GLIS3: variants seen among roughly 807,000 people sequenced by gnomAD.
GLIS3 encodes zinc finger protein GLIS3.
A neutral mutation model predicts 78.6 loss-of-function variants in GLIS3; 53 were observed. That is an observed-to-expected ratio of 0.67 (90% CI 0.54 to 0.85). The LOEUF (loss-of-function observed/expected upper bound fraction) is 0.85. GLIS3 is among the 40% of genes least tolerant of loss of function. The pLI is 0.00. For missense variants in GLIS3, 1,703 were observed against 1,231.1 expected (o/e 1.38, Z -5.74); for synonymous variants, 684 against 509.9 (o/e 1.34, Z -4.60).
At chr9:4,405,147 G>A in the GLIS3 span, among the ~76,000 whole-genome samples, 5 of 152,068 alleles carry the variant, frequency 3.3e-5, no homozygotes, top group Admixed American at 1.3e-4. Context: ...CTGAGGTTGG[G>A]AGTTCGAGAT....
intron 4 of GLIS3, among the ~76,000 whole-genome samples, chr9:4,109,297 G>C (rs1372119699): frequency 6.6e-6 from 1 of 152,206 alleles, no homozygotes; most frequent in Non-Finnish European, 1.5e-5. Flanking sequence ...CTAATGGAAA[G>C]CTACTCATAC....
intron 2 of GLIS3, chr9:4,285,702 G>C (rs1303894662): frequency 1.2e-5 from 4 of 322,498 alleles, no homozygotes; most frequent in Non-Finnish European, 2.4e-5. Context: ...ACAGGGCAGC[G>C]CTACCTGTAT....
chr9:3,986,045 G>A (rs1563920949), intron 4 of GLIS3, among the ~76,000 whole-genome samples: 1 of 152,196 alleles, frequency 6.6e-6, no homozygotes, highest in South Asian at 2.1e-4. Flanking sequence ...GGACTTTCCT[G>A]AAGAAAAAGG....
At chr9:4,393,366 T>A in the GLIS3 span, among the ~76,000 whole-genome samples, 73 of 152,240 alleles carry the variant, frequency 4.8e-4, no homozygotes, top group African/African-American at 1.3e-3. Flanking sequence ...TTACTTTTTT[T>A]AAAAAAATGA....
intron 4 of GLIS3, among the ~76,000 whole-genome samples, chr9:3,943,987 T>C (rs1244529213): frequency 6.6e-6 from 1 of 152,238 alleles, no homozygotes; most frequent in Non-Finnish European, 1.5e-5. Flanking sequence ...TACAACTTCC[T>C]GGCTTGTTGC....
the GLIS3 span, among the ~76,000 whole-genome samples, chr9:4,481,515 A>AGTGTGTGT: frequency 0.025 from 3,719 of 147,556 alleles, 85 homozygotes; most frequent in African/African-American, 0.062. Context: ...TAAAAACATA[A>AGTGTGTGT]GTGTGTGTGT....
the GLIS3 span, among the ~76,000 whole-genome samples, chr9:4,477,445 CTCTT>C: frequency 4.0e-3 from 608 of 151,966 alleles, 2 homozygotes; most frequent in Non-Finnish European, 6.5e-3. Flanking sequence ...ATAGGGGTCT[CTCTT>C]TGTCACCCAG....
Position 4,118,255 on chromosome 9 carries a change from A to G in GLIS3, c.1223T>C (p.Val408Ala). 6.3e-7 allele frequency: 1 copy of G among 1,590,272 alleles called. No homozygotes were observed. The highest frequency in any genetic ancestry group is 8.6e-7 in the Non-Finnish European group (1 of 1,168,862). The change falls in exon 4 of 11, where the codon GTC becomes GCC. Residue 408 changes from valine to alanine, a missense_variant. Physicochemically the swap from Val to Ala is moderately conservative, Grantham distance 64. Coordinates refer to ENST00000381971, the MANE Select transcript of GLIS3 (RefSeq NM_001042413.2). The surrounding 1 kb of genome is among the most constrained non-coding windows in gnomAD (Gnocchi z 4.7). ...GCCATGCTGCACCACCATGTGGTTG[A>G]CCAGGCCTGGCTGCAGGCCGCCGTG... ...LEHGGLQPGL[V>A]NHMVVQHGLP... is the part of the protein sequence containing the mutation.
chr9:4,370,162 C>T, the GLIS3 span, among the ~76,000 whole-genome samples: 13 of 123,972 alleles, frequency 1.0e-4, no homozygotes, highest in Middle Eastern at 5.0e-3. Flanking sequence ...CCAGCCTAGG[C>T]GACAGAGCAA....
Position 4,320,024 on chromosome 9 carries a change from T to TGC in GLIS3, n.265-9498_265-9497dup, listed in dbSNP as rs1415418295. Among the ~76,000 whole-genome samples the TGC allele has an allele frequency of 6.9e-3, 382 of 55,364 alleles. 3 individuals carry two copies. The highest frequency in any genetic ancestry group is 0.013 in the African/African-American group (335 of 25,516). 36.3% of individuals were successfully genotyped at this position (55,364 alleles called of 152,430 possible). A position where few individuals can be genotyped will look rare whatever the true frequency, so the allele number is the denominator to read the frequency against. On this transcript the variant is annotated intron_variant and non_coding_transcript_variant, in intron 2 of 4. Transcript: ENST00000471664. ...GTGTGTGTGTGTGTGTGTGTGTGTGTGCGCGCGCACAAGAGTCAAATTAGT... is the reference window on the plus strand; with the variant it reads ...GTGTGTGTGTGTGTGTGTGTGTGTGTGCGCGCGCGCACAAGAGTCAAATTAGT...
the GLIS3 span, among the ~76,000 whole-genome samples, chr9:4,469,436 C>T: frequency 7.4e-4 from 113 of 152,186 alleles, no homozygotes; most frequent in Admixed American, 7.3e-3. Context: ...AACAAACTGT[C>T]TCTCAGACCA....
intron 2 of GLIS3, among the ~76,000 whole-genome samples, chr9:4,198,835 G>A (rs4740756): frequency 0.26 from 39,197 of 152,040 alleles, 6,104 homozygotes; most frequent in South Asian, 0.47. Flanking sequence ...CACATACAAT[G>A]GGAGCCCCAT....
the GLIS3 span, among the ~76,000 whole-genome samples, chr9:4,394,144 T>G: frequency 6.6e-6 from 1 of 150,680 alleles, no homozygotes; most frequent in Non-Finnish European, 1.5e-5. Context: ...TTTGACCCCC[T>G]TGATTGCTAA....
At position 4,338,389 on chromosome 9, in the gene GLIS3, TACACACACACAC is replaced by T. The variant is rs202090144; in HGVS notation, n.264+8680_264+8691del. Among the ~76,000 whole-genome samples the T allele has an allele frequency of 1.2e-4, 18 of 147,466 alleles. No homozygotes were observed. In the East Asian group the frequency reaches 3.4e-3, roughly 28 times the overall value. On this transcript the variant is annotated intron_variant and non_coding_transcript_variant, in intron 2 of 4. Coordinates refer to the GLIS3 transcript ENST00000471664. Reference sequence around the variant, plus strand: ...GTGTACACACACACACACACACACATACACACACACACACACACACAATTTTTTAAACAAGCT... The same window carrying T: ...GTGTACACACACACACACACACACATACACACACAATTTTTTAAACAAGCT...
chr9:4,068,315 TTACA>T (rs1246256555), intron 4 of GLIS3, among the ~76,000 whole-genome samples: 4 of 141,976 alleles, frequency 2.8e-5, no homozygotes, highest in African/African-American at 9.7e-5. Context: ...ATTTCTTATC[TTACA>T]GAGAATCAGT....
chr9:4,338,187 C>G (rs1008139608), intron 2 of GLIS3, among the ~76,000 whole-genome samples: 4 of 152,104 alleles, frequency 2.6e-5, no homozygotes, highest in African/African-American at 7.2e-5. Context: ...CAAGGCATAT[C>G]CCATTGAGAT....
At position 4,125,851 on chromosome 9, in the gene GLIS3, C is replaced by T. The variant is rs561166420; in HGVS notation, c.479G>A (p.Arg160Gln). The change falls in exon 3 of 11, where the codon CGA becomes CAA. Residue 160 changes from arginine to glutamine, a missense_variant. Transcript: ENST00000381971. Reference sequence around the variant, plus strand: ...TGCTGGAGGTGAAATGAGTCCCAGTCGCTGAACCATCATGGGACTGCTGGT... The same window carrying T: ...TGCTGGAGGTGAAATGAGTCCCAGTTGCTGAACCATCATGGGACTGCTGGT... Reference protein sequence around the residue: ...VVTSSPMMVQRLGLISPPASQ... With the variant: ...VVTSSPMMVQQLGLISPPASQ... 2.5e-6 allele frequency: 4 copies of T among 1,613,786 alleles called. No homozygotes were observed. Among genetic ancestry groups the T allele is most frequent in the African/African-American group, 1.3e-5 (1 of 74,850 alleles).
chr9:4,297,698 T>C (rs997618174), intron 1 of GLIS3, among the ~76,000 whole-genome samples: 31 of 152,128 alleles, frequency 2.0e-4, no homozygotes, highest in Non-Finnish European at 3.5e-4. Flanking sequence ...CAGGTTTACA[T>C]GCTCCAGAGA....
At chr9:4,466,032 G>C in the GLIS3 span, among the ~76,000 whole-genome samples, 4 of 151,952 alleles carry the variant, frequency 2.6e-5, no homozygotes, top group African/African-American at 9.7e-5. Context: ...CTTTGATAGA[G>C]GAAATGGTAA....
Sources: allele counts gnomAD v4.1 joint callset (sites outside exome capture counted in the v4.1 genomes callset), GRCh38; gene constraint gnomAD v4.1.1; non-coding constraint Gnocchi (gnomAD v3.1); transcripts MANE v1.5; gene names NCBI Gene and HGNC (gene_info 2026-07-23, HGNC 2026-07-21).